SPIDR: variants seen among roughly 807,000 people sequenced by gnomAD.
The protein encoded by SPIDR is DNA repair-scaffolding protein.
Under a neutral mutation model 104.6 loss-of-function variants are expected in SPIDR, and 93 were observed. The ratio of observed to expected loss-of-function variants is 0.89; its 90% confidence interval spans 0.75 to 1.06. SPIDR has a LOEUF of 1.06. Among genes scored for constraint, SPIDR ranks in the 50% least tolerant of loss-of-function variants. The pLI, the probability that SPIDR is intolerant of heterozygous loss-of-function variation, is 0.00. For missense variants in SPIDR, 1,154 were observed against 1,111.2 expected (o/e 1.04, Z -0.55); for synonymous variants, 431 against 416.9 (o/e 1.03, Z -0.41).
At chr8:47,596,628 A>C (rs971543167) in intron 9 of SPIDR, among the ~76,000 whole-genome samples, 6 of 152,198 alleles carry the variant, frequency 3.9e-5, no homozygotes, top group Non-Finnish European at 7.3e-5. Flanking sequence ...TAGACTTTAT[A>C]AACCCTGAAC....
intron 5 of SPIDR, among the ~76,000 whole-genome samples, chr8:47,373,828 T>C (rs576232519): frequency 1.3e-5 from 2 of 152,356 alleles, no homozygotes; most frequent in African/African-American, 4.8e-5. Flanking sequence ...ATGTGAATGG[T>C]AATGATTTTC....
intron 8 of SPIDR, among the ~76,000 whole-genome samples, chr8:47,583,285 G>A (rs1276844948): frequency 1.5e-5 from 2 of 134,582 alleles, no homozygotes; most frequent in African/African-American, 5.7e-5. Context: ...CAGCCTGGGT[G>A]ACAGAGCGAG....
intron 1 of SPIDR, among the ~76,000 whole-genome samples, chr8:47,278,174 T>C (rs6473234): frequency 0.33 from 49,090 of 150,340 alleles, 8,165 homozygotes; most frequent in South Asian, 0.44. Context: ...GCTTTTTGTT[T>C]TTGGAGATAG....
At chr8:47,314,677 C>G (rs1024803296) in intron 5 of SPIDR, among the ~76,000 whole-genome samples, 3 of 152,106 alleles carry the variant, frequency 2.0e-5, no homozygotes, top group Admixed American at 1.3e-4. Context: ...GTCCCTTCCA[C>G]GACGTGTGAG....
chr8:47,280,671 C>T (rs1586269231), intron 2 of SPIDR, among the ~76,000 whole-genome samples: 1 of 151,984 alleles, frequency 6.6e-6, no homozygotes, highest in Admixed American at 6.6e-5. Flanking sequence ...GGATTACAGG[C>T]GTGAGCCACT....
At chr8:47,487,742 C>T (rs953521867) in intron 8 of SPIDR, among the ~76,000 whole-genome samples, 23 of 152,178 alleles carry the variant, frequency 1.5e-4, no homozygotes, top group African/African-American at 5.3e-4. Context: ...GCACAACGTG[C>T]TCCTGAATGA....
chr8:47,434,258 C>A (rs1029432248), intron 7 of SPIDR, among the ~76,000 whole-genome samples: 3 of 152,158 alleles, frequency 2.0e-5, no homozygotes, highest in African/African-American at 7.2e-5. Context: ...CCCCTGATGT[C>A]CATTCCTGAC....
intron 8 of SPIDR, among the ~76,000 whole-genome samples, chr8:47,508,379 T>G (rs548349624): frequency 6.6e-6 from 1 of 152,350 alleles, no homozygotes; most frequent in South Asian, 2.1e-4. Flanking sequence ...CTTGATATAC[T>G]GAGTTTGATT....
chr8:47,531,748 A>G (rs978997407), intron 8 of SPIDR, among the ~76,000 whole-genome samples: 14 of 152,204 alleles, frequency 9.2e-5, no homozygotes, highest in Admixed American at 3.3e-4. Flanking sequence ...TCAGGACAAC[A>G]TTACTAGGCA....
rs587630991 is a variant in SPIDR, at chr8:47,306,600, T to C, written c.525+12570T>C. Among the ~76,000 whole-genome samples the C allele has an allele frequency of 1.1e-4, 17 of 152,350 alleles. No homozygotes were observed. The South Asian group carries it at 1.2e-3, about 11-fold the overall frequency. On this transcript the variant is annotated intron_variant, in intron 5 of 19. Transcript: ENST00000297423. ...ATTGTTGGGTACAGTGTTGTGTATA[T>C]GTCTGTCAGATCTAGTTGGTTATTG... is the stretch of plus-strand genomic sequence containing the variant.
At chr8:47,734,684 G>C (rs1158714715) in intron 19 of SPIDR, among the ~76,000 whole-genome samples, 1 of 152,182 alleles carries the variant, frequency 6.6e-6, no homozygotes, top group Admixed American at 6.5e-5. Context: ...TCTGCAGCTT[G>C]ATCTATAATG....
Position 47,396,353 on chromosome 8 carries a change from CCTTT to C in SPIDR, c.526-18_526-15del, listed in dbSNP as rs782636973. The C allele has an allele frequency of 3.2e-5, 49 of 1,532,934 alleles. No homozygotes were observed. The highest frequency in any genetic ancestry group is 3.9e-5 in the Non-Finnish European group (43 of 1,112,690). The allele number at this position is 1,532,934 out of a possible 1,614,324, so 95.0% of individuals were successfully genotyped here. A position where few individuals can be genotyped will look rare whatever the true frequency, so the allele number is the denominator to read the frequency against. Reference sequence around the variant, plus strand: ...AGTATCCTTTGTATTTAAAAATATGCCTTTCTTTTAATTTTTTTTCAGCCAAGTT... The same window carrying C: ...AGTATCCTTTGTATTTAAAAATATGCCTTTTAATTTTTTTTCAGCCAAGTT... On this transcript the variant is annotated intron_variant, in intron 5 of 19. Transcript: ENST00000297423.
At chr8:47,390,949 C>G (rs2060508089) in intron 5 of SPIDR, among the ~76,000 whole-genome samples, 1 of 152,110 alleles carries the variant, frequency 6.6e-6, no homozygotes, top group Non-Finnish European at 1.5e-5. Context: ...TGCCTTTGAC[C>G]TATTTCTGAC....
intron 8 of SPIDR, among the ~76,000 whole-genome samples, chr8:47,570,778 A>T (rs2058421405): frequency 6.6e-6 from 1 of 152,204 alleles, no homozygotes; most frequent in Non-Finnish European, 1.5e-5. Flanking sequence ...AAGAAGATAT[A>T]CAATAAGAGT....
chr8:47,444,895 T>G (rs1156676721), intron 8 of SPIDR, among the ~76,000 whole-genome samples: 1 of 152,220 alleles, frequency 6.6e-6, no homozygotes, highest in Non-Finnish European at 1.5e-5. Context: ...GTTCTTTTAC[T>G]ATCATAAACA....
chr8:47,274,578 ATTTTT>A (rs199833655), intron 1 of SPIDR, among the ~76,000 whole-genome samples: 1 of 145,008 alleles, frequency 6.9e-6, no homozygotes, highest in East Asian at 2.0e-4. Context: ...TTTCCTCAGA[ATTTTT>A]TTTTTTTTTC....
chr8:47,657,712 A>G (rs2073103047), intron 10 of SPIDR, among the ~76,000 whole-genome samples: 2 of 152,162 alleles, frequency 1.3e-5, no homozygotes. Flanking sequence ...TGACTCTACA[A>G]TTAACTCAAT....
intron 10 of SPIDR, among the ~76,000 whole-genome samples, chr8:47,603,989 C>G (rs1327789949): frequency 1.3e-5 from 2 of 152,312 alleles, no homozygotes; most frequent in East Asian, 3.9e-4. Flanking sequence ...ATCCACCATG[C>G]CCTGGACCAG....
At chr8:47,316,022 A>T (rs1586822437) in intron 5 of SPIDR, among the ~76,000 whole-genome samples, 3 of 152,334 alleles carry the variant, frequency 2.0e-5, no homozygotes, top group Admixed American at 2.0e-4. Context: ...ACTTCTGCTC[A>T]TTAAGAGACA....
Sources: gnomAD v4.1 joint callset for allele counts (sites outside exome capture counted in the v4.1 genomes callset) on GRCh38, gnomAD v4.1.1 for gene constraint, MANE v1.5 for transcripts, NCBI Gene and HGNC (gene_info 2026-07-23, HGNC 2026-07-21) for gene names.